PAM: variants seen among roughly 807,000 people sequenced by gnomAD.
The protein encoded by PAM is peptidylglycine alpha-amidating monooxygenase.
In PAM, 72 loss-of-function variants were observed where a neutral mutation model predicts 122.1. That is an observed-to-expected ratio of 0.59 (90% CI 0.49 to 0.72). PAM has a LOEUF of 0.72. Ranked by LOEUF, PAM falls within the 30% of genes least tolerant of loss-of-function variation. PAM has a pLI of 0.00. For missense variants in PAM, 1,106 were observed against 1,183.7 expected, an observed-to-expected ratio of 0.93 and a Z score of 0.96; for synonymous variants, 389 against 404.4, an observed-to-expected ratio of 0.96 and a Z score of 0.46.
intron 12 of PAM, among the ~76,000 whole-genome samples, chr5:102,953,825 C>G (rs570897962): frequency 6.6e-6 from 1 of 152,204 alleles, no homozygotes; most frequent in East Asian, 1.9e-4. Context: ...ACCAGCTTGG[C>G]CAACATGGTG....
intron 23 of PAM, among the ~76,000 whole-genome samples, chr5:103,022,435 G>T (rs1438720332): frequency 6.6e-6 from 1 of 152,014 alleles, no homozygotes; most frequent in East Asian, 1.9e-4. Context: ...TTCTGTTAGG[G>T]GGAGACAGAT....
At chr5:102,914,080 A>G in intron 5 of PAM, 59 bp downstream of exon 5, 1 of 869,792 alleles carries the variant, frequency 1.1e-6, no homozygotes, top group Non-Finnish European at 2.0e-6. Context: ...ACAAGTGCAA[A>G]GTGTATCTGT....
At position 102,867,414 on chromosome 5, in the gene PAM, CA is replaced by C. The variant is rs756027307; in HGVS notation, c.210+22del. The C allele has an allele frequency of 7.6e-6, 12 of 1,583,158 alleles. No homozygotes were observed. The Admixed American group carries it at 8.4e-5, about 11-fold the overall frequency. The stretch of plus-strand genomic sequence containing the variant: ...AACAGGTGAGAGGAATTTTGTCTTT[CA>C]TTATTCACTTGTTCTGGATACAATC... On this transcript the variant is annotated intron_variant, in intron 3 of 25. Coordinates refer to ENST00000438793, the MANE Select transcript of PAM (RefSeq NM_001177306.2).
At chr5:102,948,312 T>C in intron 8 of PAM, 66 bp from the exon 9 acceptor site, 2 of 865,644 alleles carry the variant, frequency 2.3e-6, no homozygotes, top group Non-Finnish European at 3.9e-6. Flanking sequence ...AGGTATATGC[T>C]GTTTTTCCAA....
chr5:102,822,555 A>AT lies in PAM; in HGVS notation c.-373-43258dup, dbSNP rs1226349160. On this transcript the variant is annotated intron_variant, in intron 1 of 25. Coordinates refer to ENST00000438793, the MANE Select transcript of PAM (RefSeq NM_001177306.2). ...CAGACAGTGCCCTAGCCAGGAATCG[A>AT]TTTTTTTTTTCTCCTCATCAACCTT... Among the ~76,000 whole-genome samples the AT allele has an allele frequency of 2.9e-4, 43 of 150,454 alleles. No homozygotes were observed. In the East Asian group the frequency reaches 5.7e-3, roughly 20 times the overall value.
At chr5:102,986,403 C>G (rs1344849301) in intron 15 of PAM, among the ~76,000 whole-genome samples, 1 of 152,064 alleles carries the variant, frequency 6.6e-6, no homozygotes, top group Non-Finnish European at 1.5e-5. Context: ...GACACAAAAT[C>G]TCAACATGTG....
intron 1 of PAM, among the ~76,000 whole-genome samples, chr5:102,848,561 G>C (rs58008597): frequency 0.11 from 17,109 of 152,160 alleles, 2,240 homozygotes; most frequent in African/African-American, 0.32. Context: ...GTGTCTCACT[G>C]TGAAATGCAA....
chr5:102,961,257 C>T (rs1182128124), intron 14 of PAM, 28 bp downstream of exon 14: 1 of 1,235,454 alleles, frequency 8.1e-7, no homozygotes, highest in Non-Finnish European at 1.2e-6. Context: ...TATAACTAGT[C>T]CTATAAAAGT....
At chr5:102,826,557 T>C (rs1476561289) in intron 1 of PAM, among the ~76,000 whole-genome samples, 1 of 152,168 alleles carries the variant, frequency 6.6e-6, no homozygotes, top group East Asian at 1.9e-4. Flanking sequence ...TGGTGCCCTA[T>C]CTAGAGGACG....
In PAM at chr5:102,866,493, T is replaced by A. The variant is rs776313134; in HGVS notation, c.89+209T>A. ...CAGTTCTGGCTTTCAAAACTCCAAT[T>A]AGAAGTTGTGATTTCCAAAACTAAT... is the stretch of plus-strand genomic sequence containing the variant. On this transcript the variant is annotated intron_variant, in intron 2 of 25. Transcript: ENST00000438793. The A allele has an allele frequency of 5.4e-6, 3 of 558,532 alleles. No individual in the cohort carries two copies. In the African/African-American group the frequency reaches 5.7e-5, roughly 11 times the overall value. 34.6% of individuals were successfully genotyped at this position (558,532 alleles called of 1,614,324 possible).
rs1254678605 is a variant in PAM at position 103,017,412 on chromosome 5, T to C, written c.2410T>C (p.Trp804Arg). ...YIGDAHTNTV[W>R]KFTLTEKLEH... Reference sequence around the variant, plus strand: ...TGGAGATGCTCATACCAACACCGTGTGGAAGTTCACCTTGACTGAGAGTAT... The same window carrying C: ...TGGAGATGCTCATACCAACACCGTGCGGAAGTTCACCTTGACTGAGAGTAT... Residue 804 changes from tryptophan to arginine, a missense_variant, in exon 22 of 26, where the codon TGG (tryptophan) becomes CGG (arginine). Coordinates refer to ENST00000438793, the MANE Select transcript of PAM (RefSeq NM_001177306.2). The C allele has an allele frequency of 4.4e-6, 7 of 1,602,694 alleles. No individual in the cohort carries two copies. The highest frequency in any genetic ancestry group is 6.0e-6 in the Non-Finnish European group (7 of 1,169,816).
chr5:102,909,900 CT>C (rs1800865498), intron 4 of PAM, among the ~76,000 whole-genome samples: 1 of 151,802 alleles, frequency 6.6e-6, no homozygotes, highest in African/African-American at 2.4e-5. Flanking sequence ...CAAGTCGGTG[CT>C]TTTTTATTCA....
chr5:102,932,048 G>T (rs1751726261), intron 7 of PAM, among the ~76,000 whole-genome samples: 1 of 152,030 alleles, frequency 6.6e-6, no homozygotes, highest in Non-Finnish European at 1.5e-5. Flanking sequence ...TCCAAACTTT[G>T]GGGATTATAT....
chr5:102,974,556 T>C, intron 15 of PAM, 120 bp downstream of exon 15: 1 of 638,678 alleles, frequency 1.6e-6, no homozygotes. Context: ...GACTTATCAT[T>C]AGAAAAAAAT....
intron 1 of PAM, among the ~76,000 whole-genome samples, chr5:102,783,217 T>G (rs181451643): frequency 8.1e-5 from 11 of 136,138 alleles, no homozygotes; most frequent in Admixed American, 1.5e-4. Flanking sequence ...TGTGGGTGTA[T>G]TACCAGATTT....
chr5:102,987,528 A>C (rs933573573), intron 15 of PAM: 1 of 455,872 alleles, frequency 2.2e-6, no homozygotes, highest in Admixed American at 2.4e-5. Context: ...CTAGAAGAGA[A>C]GATATGAAAT....
intron 3 of PAM, among the ~76,000 whole-genome samples, chr5:102,872,758 ATGTT>A (rs1207718653): frequency 1.3e-5 from 2 of 152,182 alleles, no homozygotes; most frequent in Non-Finnish European, 2.9e-5. Context: ...CTTTGTATGT[ATGTT>A]ACTTAGTTGT....
Position 103,028,232 on chromosome 5 carries a change from T to A in PAM, c.2737T>A (p.Phe913Ile). 1 of 1,607,610 alleles carries A rather than the reference T, an allele frequency of 6.2e-7. No homozygotes were observed. Residue 913 changes from phenylalanine (F) to isoleucine (I), a missense_variant, in exon 25 of 26, where the codon TTT becomes ATT. Phe to Ile is a conservative substitution (Grantham distance 21). Around this residue, in one of 3 missense-constraint regions of PAM, gnomAD observed 333 missense variants for 335.6 expected, o/e 0.99. Transcript: ENST00000438793. ...GAGTTCAGGAAGAGTACTGGGAAGA[T>A]TTAGAGGTATGCCTATGACCTTTTA... ...ETSSGRVLGR[F>I]RGKGSGGLNL...
chr5:102,773,615 G>A lies in PAM; in HGVS notation c.-374+18267G>A, dbSNP rs1265625936. On this transcript the variant is annotated intron_variant, in intron 1 of 25. Coordinates refer to ENST00000438793, the MANE Select transcript of PAM (RefSeq NM_001177306.2). ...AGGCAGTGCAGAAACAGTGAGCAGG[G>A]CATTTGGCTTGTGGGCCTAGTTATG... Among the ~76,000 whole-genome samples, 4 of 152,074 alleles carry A rather than the reference G, an allele frequency of 2.6e-5. No individual in the cohort carries two copies. The East Asian group carries it at 7.7e-4, about 29-fold the overall frequency.
Sources: allele counts gnomAD v4.1 joint callset (sites outside exome capture counted in the v4.1 genomes callset), GRCh38; gene constraint gnomAD v4.1.1; regional missense constraint gnomAD v4.1.1; transcripts MANE v1.5; gene names NCBI Gene and HGNC (gene_info 2026-07-23, HGNC 2026-07-21).